UGT1A9: variants seen among roughly 807,000 people sequenced by gnomAD.
The protein encoded by UGT1A9 is UDP-glucuronosyltransferase 1A9.
In UGT1A9, 35 loss-of-function variants were observed where a neutral mutation model predicts 45.0. That is an observed-to-expected ratio of 0.78 (90% CI 0.59 to 1.03). The LOEUF (loss-of-function observed/expected upper bound fraction) is 1.03, where lower values mean the gene tolerates loss of function less well. Among genes scored for constraint, UGT1A9 ranks in the 50% least tolerant of loss-of-function variants. The pLI is 0.00. For synonymous variants in UGT1A9, 278 were observed against 250.6 expected, an observed-to-expected ratio of 1.11 and a Z score of -1.03; for missense variants, 687 against 666.6, an observed-to-expected ratio of 1.03 and a Z score of -0.34.
intron 1 of UGT1A9, among the ~76,000 whole-genome samples, chr2:233,761,810 G>A (rs147752655): frequency 5.2e-4 from 79 of 152,328 alleles, no homozygotes; most frequent in African/African-American, 1.8e-3. Context: ...GAAAAGAACA[G>A]GAGAGGCTCC....
At chr2:233,718,037 G>A (rs1268815456) in intron 1 of UGT1A9, 2 of 377,926 alleles carry the variant, frequency 5.3e-6, no homozygotes, top group Non-Finnish European at 1.0e-5. Context: ...CCTTTGGTGA[G>A]CAGGAGCTCC....
At chr2:233,715,117 C>G (rs761696686) in intron 1 of UGT1A9, among the ~76,000 whole-genome samples, 1 of 152,142 alleles carries the variant, frequency 6.6e-6, no homozygotes, top group Non-Finnish European at 1.5e-5. Flanking sequence ...AATGCCTGAT[C>G]TCAAGTGATT....
chr2:233,714,620 A>T (rs1224138567), intron 1 of UGT1A9, among the ~76,000 whole-genome samples: 1 of 152,256 alleles, frequency 6.6e-6, no homozygotes, highest in East Asian at 1.9e-4. Context: ...CAGCAAAAAG[A>T]AACCACTAAA....
intron 1 of UGT1A9, among the ~76,000 whole-genome samples, chr2:233,706,438 T>C (rs980431850): frequency 1.4e-4 from 21 of 152,242 alleles, no homozygotes; most frequent in African/African-American, 4.6e-4. Context: ...ACAGACTTGG[T>C]CAAAGCAAAT....
chr2:233,748,222 C>T (rs1693896902), intron 1 of UGT1A9: 2 of 1,443,838 alleles, frequency 1.4e-6, no homozygotes, highest in Non-Finnish European at 1.9e-6. Flanking sequence ...GTGAGATAAA[C>T]TGTTAAGGGG....
At chr2:233,720,108 G>A (rs372349841) in intron 1 of UGT1A9, among the ~76,000 whole-genome samples, 4 of 152,142 alleles carry the variant, frequency 2.6e-5, no homozygotes, top group South Asian at 4.2e-4. Flanking sequence ...CCCATCTTGC[G>A]AAAGATACAG....
At chr2:233,744,111 T>C in intron 1 of UGT1A9, 1 of 390,020 alleles carries the variant, frequency 2.6e-6, no homozygotes, top group Non-Finnish European at 4.7e-6. Context: ...CTGGCCCTGC[T>C]CTCTGTGAGG....
At chr2:233,690,764 C>T in intron 1 of UGT1A9, 1 of 1,095,494 alleles carries the variant, frequency 9.1e-7, no homozygotes, top group Non-Finnish European at 1.1e-6. Flanking sequence ...CAGACATACA[C>T]ACACACACAC....
chr2:233,704,764 C>T (rs183614889), intron 1 of UGT1A9, among the ~76,000 whole-genome samples: 5 of 152,192 alleles, frequency 3.3e-5, no homozygotes, highest in East Asian at 1.9e-4. Flanking sequence ...AAATATATTA[C>T]GCTTCCATAT....
At chr2:233,767,234 C>T in intron 2 of UGT1A9, 69 bp downstream of exon 2, 1 of 1,609,592 alleles carries the variant, frequency 6.2e-7, no homozygotes, top group Middle Eastern at 1.7e-4. Context: ...CTTCCAGCTT[C>T]CAGATTAATT....
intron 1 of UGT1A9, among the ~76,000 whole-genome samples, chr2:233,724,428 T>C (rs2077257386): frequency 7.8e-6 from 1 of 128,780 alleles, no homozygotes; most frequent in African/African-American, 3.1e-5. Flanking sequence ...GCGGAGAGGC[T>C]CCTCACTTCT....
At chr2:233,676,944 A>G (rs577325095) in intron 1 of UGT1A9, among the ~76,000 whole-genome samples, 1 of 152,194 alleles carries the variant, frequency 6.6e-6, no homozygotes, top group East Asian at 1.9e-4. Flanking sequence ...TTTGTGAAAT[A>G]TTTGATTACT....
chr2:233,743,938 A>T (rs754327674), intron 1 of UGT1A9: 2 of 1,356,166 alleles, frequency 1.5e-6, no homozygotes, highest in Admixed American at 1.9e-5. Context: ...AGAACGGCCC[A>T]CCAGGCACTG....
At chr2:233,760,299 G>T (rs781590934) in intron 1 of UGT1A9, 2 of 1,613,582 alleles carry the variant, frequency 1.2e-6, no homozygotes, top group East Asian at 2.2e-5. Context: ...TGGCTGTGGA[G>T]TCCCAGGGCG....
intron 1 of UGT1A9, chr2:233,719,562 C>T (rs1164668665): frequency 6.2e-7 from 1 of 1,613,782 alleles, no homozygotes; most frequent in African/African-American, 1.3e-5. Context: ...AGTGGTGGAT[C>T]TTGTCAGCTA....
chr2:233,772,831 T>TCACACAAGAAAGCCAGCAAGGAAGCAAGG lies in UGT1A9; in HGVS notation c.*273_*274insACACAAGAAAGCCAGCAAGGAAGCAAGGC. On this transcript the variant is annotated 3_prime_UTR_variant, in exon 5 of 5. Coordinates refer to ENST00000354728, the MANE Select transcript of UGT1A9 (RefSeq NM_021027.3). ...AGAGGACGTGCAGACAGGCTGGCAT[T>TCACACAAGAAAGCCAGCAAGGAAGCAAGG]CTAGATTACTTTTCTTACTCTGAAA... The TCACACAAGAAAGCCAGCAAGGAAGCAAGG allele has an allele frequency of 4.5e-6, 4 of 893,952 alleles. No individual in the cohort carries two copies. Among genetic ancestry groups the TCACACAAGAAAGCCAGCAAGGAAGCAAGG allele is most frequent in the Non-Finnish European group, 6.2e-6 (4 of 642,656 alleles). 55.4% of individuals were successfully genotyped at this position (893,952 alleles called of 1,614,324 possible).
At chr2:233,735,104 G>A (rs543014633) in intron 1 of UGT1A9, among the ~76,000 whole-genome samples, 1 of 152,204 alleles carries the variant, frequency 6.6e-6, no homozygotes, top group Non-Finnish European at 1.5e-5. Context: ...GTCTAATATC[G>A]ACAGTGGGAT....
At chr2:233,687,583 TAAAA>T (rs71398794) in intron 1 of UGT1A9, among the ~76,000 whole-genome samples, 44,818 of 106,436 alleles carry the variant, frequency 0.42, 7,818 homozygotes, top group Middle Eastern at 0.48. Flanking sequence ...ACATTCTTTG[TAAAA>T]AAAAAAAAAA....
chr2:233,758,687 A>T (rs1165998608), intron 1 of UGT1A9, among the ~76,000 whole-genome samples: 1 of 152,210 alleles, frequency 6.6e-6, no homozygotes, highest in Non-Finnish European at 1.5e-5. Flanking sequence ...CCCATAGGAC[A>T]CCAAAACTCT....
Sources: gnomAD v4.1 joint callset for allele counts (sites outside exome capture counted in the v4.1 genomes callset) on GRCh38, gnomAD v4.1.1 for gene constraint, MANE v1.5 for transcripts, NCBI Gene and HGNC (gene_info 2026-07-23, HGNC 2026-07-21) for gene names.